Variants in ENTREP2 observed in about 807,000 individuals in gnomAD.
ENTREP2 encodes the protein protein ENTREP2.
At chr15:29,478,019 ATT>A in the ENTREP2 span, among the ~76,000 whole-genome samples, 12 of 54,280 alleles carry the variant, frequency 2.2e-4, no homozygotes, top group Admixed American at 1.2e-3. Flanking sequence ...ATATATATAT[ATT>A]TTTTTTTTTT....
At chr15:29,486,943 A>G in the ENTREP2 span, among the ~76,000 whole-genome samples, 1 of 152,210 alleles carries the variant, frequency 6.6e-6, no homozygotes, top group African/African-American at 2.4e-5. Context: ...AGTTGCAGCT[A>G]GATAGGAAGC....
the ENTREP2 span, among the ~76,000 whole-genome samples, chr15:29,244,453 A>G: frequency 3.3e-5 from 5 of 152,234 alleles, no homozygotes; most frequent in Admixed American, 2.6e-4. Context: ...GAAGGGTCAC[A>G]TCGGGTCTGG....
chr15:29,510,993 G>A, the ENTREP2 span, among the ~76,000 whole-genome samples: 12 of 152,142 alleles, frequency 7.9e-5, no homozygotes, highest in Non-Finnish European at 1.8e-4. Flanking sequence ...TGAACAATGA[G>A]AACATATGGG....
At chr15:29,254,161 CAAAAAA>C in the ENTREP2 span, among the ~76,000 whole-genome samples, 8 of 61,336 alleles carry the variant, frequency 1.3e-4, no homozygotes, top group Admixed American at 5.6e-4. Flanking sequence ...TGTTAAAGAG[CAAAAAA>C]AAAAAAAAAA....
chr15:29,578,517 C>T, the ENTREP2 span, among the ~76,000 whole-genome samples: 1 of 152,072 alleles, frequency 6.6e-6, no homozygotes, highest in African/African-American at 2.4e-5. Context: ...CTCATTGCTA[C>T]CAAAATAATT....
the ENTREP2 span, among the ~76,000 whole-genome samples, chr15:29,207,177 A>C: frequency 6.6e-6 from 1 of 151,950 alleles, no homozygotes; most frequent in Non-Finnish European, 1.5e-5. Flanking sequence ...TCCCTGCCAG[A>C]CCTGAGGACA....
chr15:29,352,840 C>T, the ENTREP2 span, among the ~76,000 whole-genome samples: 4 of 152,252 alleles, frequency 2.6e-5, no homozygotes, highest in Admixed American at 2.0e-4. Flanking sequence ...TTGTTCTCCT[C>T]TGCCAACCAC....
At chr15:29,589,866 T>A in the ENTREP2 span, among the ~76,000 whole-genome samples, 34 of 152,152 alleles carry the variant, frequency 2.2e-4, no homozygotes, top group African/African-American at 7.5e-4. Flanking sequence ...CGTTTCCTCA[T>A]CCGGAAGGTG....
chr15:29,667,484 G>T, the ENTREP2 span, among the ~76,000 whole-genome samples: 1 of 140,876 alleles, frequency 7.1e-6, no homozygotes, highest in Non-Finnish European at 1.5e-5. Context: ...CACTGCGCCT[G>T]GCCTTTTTTT....
chr15:29,544,432 CA>C, the ENTREP2 span, among the ~76,000 whole-genome samples: 65,967 of 151,804 alleles, frequency 0.43, 15,125 homozygotes, highest in African/African-American at 0.59. Flanking sequence ...GATGGCTGCA[CA>C]GCCATGTGAA....
chr15:29,162,751 A>G, the ENTREP2 span, among the ~76,000 whole-genome samples: 1 of 151,784 alleles, frequency 6.6e-6, no homozygotes, highest in Non-Finnish European at 1.5e-5. Flanking sequence ...CAAAGGACAT[A>G]TAATCTTGGG....
chr15:29,541,649 T>A, the ENTREP2 span, among the ~76,000 whole-genome samples: 4 of 151,826 alleles, frequency 2.6e-5, no homozygotes, highest in African/African-American at 9.7e-5. Flanking sequence ...AAAAAAGGAA[T>A]GAGAAGTTTT....
the ENTREP2 span, among the ~76,000 whole-genome samples, chr15:29,161,980 A>C: frequency 6.6e-6 from 1 of 152,056 alleles, no homozygotes; most frequent in Non-Finnish European, 1.5e-5. Flanking sequence ...CACCCCAAAT[A>C]CTGTGAGTGC....
chr15:29,598,729 C>A, the ENTREP2 span, among the ~76,000 whole-genome samples: 2 of 152,030 alleles, frequency 1.3e-5, no homozygotes, highest in South Asian at 4.1e-4. Flanking sequence ...CGGAGTCTCG[C>A]TTTGTCGCCC....
chr15:29,192,071 CA>C, the ENTREP2 span, among the ~76,000 whole-genome samples: 1 of 152,188 alleles, frequency 6.6e-6, no homozygotes, highest in Non-Finnish European at 1.5e-5. Flanking sequence ...CCTCAAACCA[CA>C]TTTAAACATT....
chr15:29,356,512 A>G, the ENTREP2 span, among the ~76,000 whole-genome samples: 2 of 151,154 alleles, frequency 1.3e-5, no homozygotes, highest in Non-Finnish European at 2.9e-5. Context: ...TCACTGTGTT[A>G]GCCAGGATGG....
chr15:29,532,688 T>A, the ENTREP2 span, among the ~76,000 whole-genome samples: 2 of 152,214 alleles, frequency 1.3e-5, no homozygotes, highest in Non-Finnish European at 2.9e-5. Context: ...TTTAAAACTT[T>A]CTGTATATGC....
chr15:29,209,220 G>C, the ENTREP2 span, among the ~76,000 whole-genome samples: 1 of 152,198 alleles, frequency 6.6e-6, no homozygotes, highest in South Asian at 2.1e-4. Flanking sequence ...ACACAAATCT[G>C]TCTGGTCGTG....
chr15:29,352,139 T>G, the ENTREP2 span, among the ~76,000 whole-genome samples: 140 of 152,012 alleles, frequency 9.2e-4, no homozygotes, highest in Non-Finnish European at 1.5e-3. Context: ...CTCACTATGT[T>G]GCTCGGGCTG....
Sources: allele counts gnomAD v4.1 joint callset (sites outside exome capture counted in the v4.1 genomes callset), GRCh38; gene constraint gnomAD v4.1.1; transcripts MANE v1.5; gene names NCBI Gene and HGNC (gene_info 2026-07-23, HGNC 2026-07-21).